The following FOXP1 variants were observed in gnomAD, a reference collection of about 807,000 sequenced individuals.
FOXP1 encodes the protein forkhead box protein P1.
Under a neutral mutation model 98.2 loss-of-function variants are expected in FOXP1, and 15 were observed. The ratio of observed to expected loss-of-function variants is 0.15; its 90% CI spans 0.10 to 0.24. The LOEUF is 0.24. Among genes scored for constraint, FOXP1 ranks in the 10% least tolerant of loss-of-function variants. The pLI, the probability that FOXP1 is intolerant of heterozygous loss-of-function variation, is 1.00. For missense variants in FOXP1, 633 were observed against 848.5 expected, an observed-to-expected ratio of 0.75 and a Z score of 3.15; for synonymous variants, 371 against 314.5, an observed-to-expected ratio of 1.18 and a Z score of -1.90.
chr3:71,363,209 T>C (rs1201426162), intron 3 of FOXP1, among the ~76,000 whole-genome samples: 2 of 152,230 alleles, frequency 1.3e-5, no homozygotes, highest in Non-Finnish European at 2.9e-5. Context: ...ATAATTCTGA[T>C]ATAATTCATT....
At chr3:71,437,800 G>A (rs1332985409) in intron 3 of FOXP1, among the ~76,000 whole-genome samples, 1 of 152,136 alleles carries the variant, frequency 6.6e-6, no homozygotes, top group Non-Finnish European at 1.5e-5. Context: ...GGGCGTAAGA[G>A]ACCCAAACCA....
chr3:71,384,890 G>C (rs1469758039), intron 3 of FOXP1, among the ~76,000 whole-genome samples: 1 of 152,122 alleles, frequency 6.6e-6, no homozygotes, highest in Non-Finnish European at 1.5e-5. Flanking sequence ...ACATTTTCTA[G>C]AACCCTGAAA....
intron 3 of FOXP1, among the ~76,000 whole-genome samples, chr3:71,422,152 C>A (rs1459965460): frequency 1.3e-5 from 2 of 152,176 alleles, no homozygotes; most frequent in Admixed American, 6.5e-5. Context: ...CACTTCACAG[C>A]TTTCTAACAC....
At chr3:71,034,857 G>A (rs902662017) in intron 11 of FOXP1, among the ~76,000 whole-genome samples, 3 of 152,148 alleles carry the variant, frequency 2.0e-5, no homozygotes, top group Admixed American at 6.5e-5. Flanking sequence ...GTTGGCTCAC[G>A]TAAGAATGGC....
At chr3:71,440,394 C>G (rs150331753) in intron 3 of FOXP1, among the ~76,000 whole-genome samples, 2 of 143,206 alleles carry the variant, frequency 1.4e-5, no homozygotes, top group South Asian at 5.2e-4. Context: ...AGTGAGACAC[C>G]GTGCCGGGCG....
intron 20 of FOXP1, among the ~76,000 whole-genome samples, chr3:70,960,364 G>C (rs1281243902): frequency 6.6e-6 from 1 of 152,148 alleles, no homozygotes; most frequent in Non-Finnish European, 1.5e-5. Flanking sequence ...ACTGGGATGA[G>C]CGTGGTTGCG....
At chr3:71,486,889 GCCTTCCTC>G (rs1414671465) in intron 3 of FOXP1, among the ~76,000 whole-genome samples, 1 of 152,186 alleles carries the variant, frequency 6.6e-6, no homozygotes, top group Non-Finnish European at 1.5e-5. Context: ...ATAGCTAAAT[GCCTTCCTC>G]CCTGGTACAG....
At chr3:71,173,869 C>A (rs1437052576) in intron 6 of FOXP1, among the ~76,000 whole-genome samples, 2 of 152,094 alleles carry the variant, frequency 1.3e-5, no homozygotes, top group Non-Finnish European at 2.9e-5. Context: ...GGGAAACCAA[C>A]CATGGTGGGA....
At chr3:71,553,521 C>T (rs1361670751) in intron 2 of FOXP1, among the ~76,000 whole-genome samples, 2 of 152,114 alleles carry the variant, frequency 1.3e-5, no homozygotes, top group African/African-American at 4.8e-5. Context: ...TTAACTTGTT[C>T]GGTTCTTCAC....
chr3:71,244,520 A>AAT (rs2067560890), intron 5 of FOXP1, among the ~76,000 whole-genome samples: 6 of 150,990 alleles, frequency 4.0e-5, no homozygotes, highest in Non-Finnish European at 8.9e-5. Context: ...AAAAAAATAG[A>AAT]AGAAGAAAAA....
In FOXP1 at chr3:70,977,695, T is replaced by C. The variant is rs966642667; in HGVS notation, c.1376A>G (p.Tyr459Cys). Residue 459 changes from tyrosine to cysteine, a missense_variant, in exon 16 of 21, where the codon TAT becomes TGT. Tyr to Cys is a radical substitution (Grantham distance 194). Around this residue, in one of 6 missense-constraint regions of FOXP1, gnomAD observed 141 missense variants for 199.5 expected, o/e 0.71. Transcript: ENST00000649528. Reference sequence around the variant, plus strand: ...TGGTGGTCTAACTTCTGCGTTCTTATAAAATTCTTGGTTCTGCGCAATATC... The same window carrying C: ...TGGTGGTCTAACTTCTGCGTTCTTACAAAATTCTTGGTTCTGCGCAATATC... The part of the protein sequence containing the change: ...SADIAQNQEF[Y>C]KNAEVRPPFT... 1 of 1,614,208 alleles carries C rather than the reference T, an allele frequency of 6.2e-7. No homozygotes were observed. The highest frequency in any genetic ancestry group is 8.5e-7 in the Non-Finnish European group (1 of 1,180,004).
chr3:71,167,198 G>A (rs976191107), intron 6 of FOXP1, among the ~76,000 whole-genome samples: 7 of 152,252 alleles, frequency 4.6e-5, no homozygotes, highest in African/African-American at 1.4e-4. Flanking sequence ...GCAGAGCCTG[G>A]AGAAGCCCGG....
At chr3:71,337,372 AC>A (rs1488765028) in intron 4 of FOXP1, among the ~76,000 whole-genome samples, 7 of 152,374 alleles carry the variant, frequency 4.6e-5, no homozygotes, top group African/African-American at 1.7e-4. Flanking sequence ...TATACTAGCC[AC>A]ATCTGCAGTG....
intron 3 of FOXP1, among the ~76,000 whole-genome samples, chr3:71,445,155 C>T (rs1320096964): frequency 6.6e-6 from 1 of 152,094 alleles, no homozygotes; most frequent in African/African-American, 2.4e-5. Flanking sequence ...GAGCCATAAC[C>T]CCCATTTTAC....
rs1002203984 is a variant in FOXP1 at position 71,511,896 on chromosome 3, T to C, written c.-297-18341A>G. On this transcript the variant is annotated intron_variant, in intron 2 of 20. Transcript: ENST00000649528. ...ATGTAATAATCCAATTAGCACATCT[T>C]TTTTGGAAACTAAATTAATCTTAAC... Among the ~76,000 whole-genome samples the C allele has an allele frequency of 2.6e-4, 39 of 152,224 alleles. 1 individual carries two copies. Among genetic ancestry groups the C allele is most frequent in the Admixed American group, 2.0e-4 (3 of 15,276 alleles).
chr3:71,389,996 G>A (rs2080911681), intron 3 of FOXP1, among the ~76,000 whole-genome samples: 1 of 152,198 alleles, frequency 6.6e-6, no homozygotes, highest in South Asian at 2.1e-4. Context: ...AAACTCCACT[G>A]AAAGAGAAGT....
chr3:71,192,992 AC>A (rs1195905385), intron 6 of FOXP1, among the ~76,000 whole-genome samples: 4 of 151,654 alleles, frequency 2.6e-5, no homozygotes, highest in Non-Finnish European at 4.4e-5. Flanking sequence ...AAGTATTTCT[AC>A]CCTCCTCCCC....
At chr3:70,996,577 G>C in intron 13 of FOXP1, among the ~76,000 whole-genome samples, 1 of 152,112 alleles carries the variant, frequency 6.6e-6, no homozygotes, top group East Asian at 1.9e-4. Flanking sequence ...GAGACACAAG[G>C]GCCTTCCATT....
intron 2 of FOXP1, among the ~76,000 whole-genome samples, chr3:71,540,610 C>T (rs1002245620): frequency 6.6e-6 from 1 of 152,178 alleles, no homozygotes; most frequent in Non-Finnish European, 1.5e-5. Flanking sequence ...CTTGGGACAA[C>T]CTTAAGGCAA....
Sources: allele counts gnomAD v4.1 joint callset (sites outside exome capture counted in the v4.1 genomes callset), GRCh38; gene constraint gnomAD v4.1.1; regional missense constraint gnomAD v4.1.1; transcripts MANE v1.5; gene names NCBI Gene and HGNC (gene_info 2026-07-23, HGNC 2026-07-21).